The following RAB3IP variants were observed in gnomAD, a reference collection of about 807,000 sequenced individuals.
The protein encoded by RAB3IP is RAB3A interacting protein.
RAB3IP carries 36 observed loss-of-function variants against 59.1 expected under a neutral mutation model. That is an observed-to-expected ratio of 0.61 (90% CI 0.47 to 0.80). The LOEUF (loss-of-function observed/expected upper bound fraction) is 0.80, where lower values mean the gene tolerates loss of function less well. Among genes scored for constraint, RAB3IP ranks in the 30% least tolerant of loss-of-function variants. The probability of loss-of-function intolerance (pLI) is 0.00; values close to 1 mark genes in which losing one functional copy is unlikely to be tolerated. For missense variants in RAB3IP, 511 were observed against 536.0 expected (o/e 0.95, Z 0.46); for synonymous variants, 207 against 191.2 (o/e 1.08, Z -0.68).
intron 3 of RAB3IP, among the ~76,000 whole-genome samples, 175 bp downstream of exon 3, chr12:69,756,838 G>A (rs893088778): frequency 1.3e-5 from 2 of 152,228 alleles, no homozygotes; most frequent in Non-Finnish European, 2.9e-5. Flanking sequence ...TGGTTGGGTA[G>A]TAAAGAAGTT....
intron 1 of RAB3IP, among the ~76,000 whole-genome samples, chr12:69,745,822 C>T (rs1868316904): frequency 6.6e-6 from 1 of 152,162 alleles, no homozygotes. Context: ...CTCCCTACTC[C>T]CTATCCATTT....
chr12:69,768,684 C>G (rs1872627402), intron 3 of RAB3IP, among the ~76,000 whole-genome samples: 1 of 152,146 alleles, frequency 6.6e-6, no homozygotes, highest in Non-Finnish European at 1.5e-5. Context: ...CCTTGCTGCC[C>G]AGGAGAAACT....
intron 2 of RAB3IP, among the ~76,000 whole-genome samples, chr12:69,755,968 T>C (rs1870150838): frequency 6.6e-6 from 1 of 152,238 alleles, no homozygotes; most frequent in Admixed American, 6.5e-5. Flanking sequence ...CCAATAAAAC[T>C]TCATATATGG....
At chr12:69,796,849 C>T (rs761628625) in intron 6 of RAB3IP, among the ~76,000 whole-genome samples, 37 of 152,130 alleles carry the variant, frequency 2.4e-4, no homozygotes, top group Admixed American at 2.4e-3. Context: ...GTACTTTCCC[C>T]CCTATTTACA....
In RAB3IP at chr12:69,756,704, GA is replaced by G. The variant is rs771413035; in HGVS notation, c.510+44del. 1.0e-5 allele frequency: 16 copies of G among 1,530,824 alleles called. No homozygotes were observed. The South Asian group carries it at 1.6e-4, about 15-fold the overall frequency. The allele number at this position is 1,530,824 out of a possible 1,614,324, so 94.8% of individuals were successfully genotyped here. A position where few individuals can be genotyped will look rare whatever the true frequency, so the allele number is the denominator to read the frequency against. ...TTTTATTCTTCCATATATTATATTA[GA>G]AATTAGTATTTCTCCATGGGGTGGG... On this transcript the variant is annotated intron_variant, in intron 3 of 10. Transcript: ENST00000247833.
intron 1 of RAB3IP, among the ~76,000 whole-genome samples, 179 bp from the exon 2 acceptor site, chr12:69,755,205 A>C (rs1342122551): frequency 6.6e-6 from 1 of 152,110 alleles, no homozygotes; most frequent in African/African-American, 2.4e-5. Context: ...CATCTTCCCG[A>C]GTAGCTGGTA....
intron 6 of RAB3IP, among the ~76,000 whole-genome samples, chr12:69,796,826 T>C (rs969273330): frequency 2.0e-5 from 3 of 152,248 alleles, no homozygotes; most frequent in Admixed American, 2.0e-4. Flanking sequence ...ACTCAGTATG[T>C]GTAAGTAATT....
At chr12:69,779,381 C>T (rs566101107) in intron 3 of RAB3IP, among the ~76,000 whole-genome samples, 1 of 151,404 alleles carries the variant, frequency 6.6e-6, no homozygotes, top group Non-Finnish European at 1.5e-5. Context: ...TCTTCTGCGT[C>T]GCTCACGCTG....
In RAB3IP at chr12:69,822,600, CTGT is replaced by C. The variant is rs759063484; in HGVS notation, c.*7159_*7161del. On this transcript the variant is annotated 3_prime_UTR_variant, in exon 11 of 11. Coordinates refer to ENST00000247833, the MANE Select transcript of RAB3IP (RefSeq NM_022456.5). ...TAAAAATCTATAGAAGGAATATGAT[CTGT>C]TGTTTGGTAGCACAATAGGGTAAAT... 13 of 152,138 alleles carry C rather than the reference CTGT, an allele frequency of 8.5e-5. No homozygotes were observed. The highest frequency in any genetic ancestry group is 1.5e-4 in the Non-Finnish European group (10 of 68,012). The allele number at this position is 152,138 out of a possible 1,614,324, so 9.4% of individuals were successfully genotyped here. A position where few individuals can be genotyped will look rare whatever the true frequency, so the allele number is the denominator to read the frequency against.
At chr12:69,793,261 A>G (rs755997331) in intron 4 of RAB3IP, among the ~76,000 whole-genome samples, 4 of 152,198 alleles carry the variant, frequency 2.6e-5, no homozygotes, top group Non-Finnish European at 5.9e-5. Flanking sequence ...TCCTATTTAA[A>G]CTAGTATAAG....
intron 5 of RAB3IP, 136 bp from the exon 6 acceptor site, chr12:69,795,005 T>C: frequency 1.5e-6 from 1 of 682,676 alleles, no homozygotes; most frequent in Non-Finnish European, 2.4e-6. Flanking sequence ...TTTTAGTTTC[T>C]TTTTATTACT....
chr12:69,794,988 A>C (rs557483028), intron 5 of RAB3IP, among the ~76,000 whole-genome samples, 153 bp from the exon 6 acceptor site: 29 of 152,350 alleles, frequency 1.9e-4, no homozygotes, highest in African/African-American at 7.0e-4. Flanking sequence ...AACATCAAAA[A>C]ACTTGATTTT....
At chr12:69,757,077 T>C (rs557996669) in intron 3 of RAB3IP, among the ~76,000 whole-genome samples, 27 of 152,358 alleles carry the variant, frequency 1.8e-4, no homozygotes, top group Non-Finnish European at 3.1e-4. Context: ...ATTTTCTGTA[T>C]CTTACCTTGG....
At chr12:69,808,399 TATTAG>T (rs1879826431) in intron 8 of RAB3IP, among the ~76,000 whole-genome samples, 1 of 152,250 alleles carries the variant, frequency 6.6e-6, no homozygotes, top group African/African-American at 2.4e-5. Flanking sequence ...TGTAGATGTC[TATTAG>T]GTCTGCTTGG....
intron 8 of RAB3IP, among the ~76,000 whole-genome samples, chr12:69,804,198 G>A (rs567764657): frequency 4.6e-5 from 7 of 152,304 alleles, no homozygotes; most frequent in African/African-American, 1.7e-4. Context: ...ATTCTAACTG[G>A]TGTGAGATGG....
intron 1 of RAB3IP, among the ~76,000 whole-genome samples, chr12:69,750,375 T>TA (rs1174689678): frequency 7.2e-5 from 11 of 152,198 alleles, no homozygotes; most frequent in Non-Finnish European, 1.6e-4. Context: ...TTTTAAAAGA[T>TA]AAGGATTTTA....
intron 3 of RAB3IP, among the ~76,000 whole-genome samples, chr12:69,781,221 T>C (rs1050841147): frequency 2.6e-5 from 4 of 152,204 alleles, no homozygotes; most frequent in African/African-American, 7.2e-5. Flanking sequence ...TTGACACTTT[T>C]AGAGCAGTTT....
intron 3 of RAB3IP, among the ~76,000 whole-genome samples, chr12:69,768,141 G>A (rs148963194): frequency 6.3e-4 from 96 of 151,570 alleles, no homozygotes; most frequent in African/African-American, 1.8e-3. Context: ...TCACTGTACC[G>A]TGATCTGCAT....
rs187216940 is a variant in RAB3IP at position 69,810,260 on chromosome 12, T to A, written c.1131-2518T>A. Among the ~76,000 whole-genome samples the A allele has an allele frequency of 2.4e-3, 370 of 152,194 alleles. 1 individual carries two copies. The highest frequency in any genetic ancestry group is 3.9e-3 in the Non-Finnish European group (263 of 68,010). ...TGCTGCCTGATCGTTCCTCTGGAAG[T>A]TTTGTCTCAGAGGAGTACCCGGCAG... On this transcript the variant is annotated intron_variant, in intron 8 of 10. Transcript: ENST00000247833.
Sources: gnomAD v4.1 joint callset for allele counts (sites outside exome capture counted in the v4.1 genomes callset) on GRCh38, gnomAD v4.1.1 for gene constraint, MANE v1.5 for transcripts, NCBI Gene and HGNC (gene_info 2026-07-23, HGNC 2026-07-21) for gene names.